The following ZNF317 variants were observed in gnomAD, a reference collection of about 807,000 sequenced individuals.
ZNF317 encodes the protein KRAB-containing zinc finger protein 317.
ZNF317 carries 17 observed loss-of-function variants against 23.4 expected under a neutral mutation model. The ratio of observed to expected loss-of-function variants is 0.73; its 90% confidence interval spans 0.50 to 1.09. The LOEUF is 1.09. ZNF317 is among the 50% of genes least tolerant of loss of function. The probability of loss-of-function intolerance (pLI) is 0.00; values close to 1 mark genes in which losing one functional copy is unlikely to be tolerated. For missense variants in ZNF317, 679 were observed against 796.7 expected, an observed-to-expected ratio of 0.85 and a Z score of 1.78; for synonymous variants, 317 against 314.9, an observed-to-expected ratio of 1.01 and a Z score of -0.07.
At chr19:9,154,460 T>C (rs993155806) in intron 1 of ZNF317, among the ~76,000 whole-genome samples, 1 of 152,186 alleles carries the variant, frequency 6.6e-6, no homozygotes, top group African/African-American at 2.4e-5. Flanking sequence ...TGCCTATTCA[T>C]GGACATTATA....
Position 9,161,638 on chromosome 19 carries a change from T to C in ZNF317, c.*205T>C. ...AGAACTCACGCCGGGGGTGAAAATG[T>C]ACGTCTGTAGCATGGAGAAGCCTTC... On this transcript the variant is annotated 3_prime_UTR_variant, in exon 7 of 7. Transcript: ENST00000247956. The surrounding 1 kb of genome is among the most constrained non-coding windows in gnomAD (Gnocchi z 4.0). The C allele has an allele frequency of 1.5e-6, 1 of 658,294 alleles. No homozygotes were observed. 40.8% of individuals were successfully genotyped at this position (658,294 alleles called of 1,614,324 possible). A position where few individuals can be genotyped will look rare whatever the true frequency, so the allele number is the denominator to read the frequency against.
Position 9,161,242 on chromosome 19 carries a change from G to C in ZNF317, c.1597G>C (p.Asp533His). 6.2e-7 allele frequency: 1 copy of C among 1,614,092 alleles called. No homozygotes were observed. Among genetic ancestry groups the C allele is most frequent in the Non-Finnish European group, 8.5e-7 (1 of 1,180,026 alleles). Reference protein sequence around the residue: ...SHTGEKPYECDHCGKAFSIGS... With the variant: ...SHTGEKPYECHHCGKAFSIGS... ...CACGGGGGAGAAACCGTACGAATGCGATCACTGTGGGAAGGCCTTCAGCAT... is the reference window on the plus strand; with the variant it reads ...CACGGGGGAGAAACCGTACGAATGCCATCACTGTGGGAAGGCCTTCAGCAT... Residue 533 changes from aspartate to histidine, a missense_variant, in exon 7 of 7, where the codon GAT becomes CAT. Asp to His is a moderately conservative substitution (Grantham distance 81). Transcript: ENST00000247956. The surrounding 1 kb of genome is among the most constrained non-coding windows in gnomAD (Gnocchi z 4.0).
chr19:9,159,981 C>A, intron 6 of ZNF317, 133 bp from the exon 7 acceptor site: 1 of 1,342,944 alleles, frequency 7.4e-7, no homozygotes, highest in East Asian at 2.3e-5. Flanking sequence ...AGCACGTTTG[C>A]ACGGCAGATG....
At chr19:9,143,635 C>G (rs1357182917) in intron 1 of ZNF317, among the ~76,000 whole-genome samples, 1 of 75,334 alleles carries the variant, frequency 1.3e-5, no homozygotes, top group Non-Finnish European at 2.5e-5. Context: ...CCCATGAGTG[C>G]TGTCTCATCA....
At chr19:9,156,843 C>A in intron 3 of ZNF317, 95 bp downstream of exon 3, 1 of 1,436,734 alleles carries the variant, frequency 7.0e-7, no homozygotes, top group South Asian at 1.3e-5. Flanking sequence ...TTCATCTCAG[C>A]CAGTGGATGC....
rs1442797559 is a variant in ZNF317 at position 9,160,614 on chromosome 19, A to G, written c.969A>G (p.Ala323=). ...KAYGRSCHLI[A]HKRTHTGERP... is the part of the protein sequence containing the mutation. ...ACGGCCGGAGCTGCCACCTCATCGC[A>G]CACAAGAGAACGCACACCGGAGAGA... Residue 323 remains alanine, a synonymous_variant, in exon 7 of 7, where the codon GCA becomes GCG. Transcript: ENST00000247956. The surrounding 1 kb of genome is among the most constrained non-coding windows in gnomAD (Gnocchi z 6.8). The G allele has an allele frequency of 6.2e-7, 1 of 1,613,748 alleles. No individual in the cohort carries two copies. Among genetic ancestry groups the G allele is most frequent in the African/African-American group, 1.3e-5 (1 of 74,800 alleles).
Position 9,158,087 on chromosome 19 carries a change from C to T in ZNF317, c.385+12C>T. ...GGGCGCTTGTGCAGGTGAGCGAGCC[C>T]CAGGCAAAGAGCGGTGCTGTGACTC... On this transcript the variant is annotated intron_variant, in intron 5 of 6. Coordinates refer to ENST00000247956, the MANE Select transcript of ZNF317 (RefSeq NM_020933.5). The T allele has an allele frequency of 6.5e-7, 1 of 1,548,572 alleles. No homozygotes were observed. The highest frequency in any genetic ancestry group is 8.7e-7 in the Non-Finnish European group (1 of 1,145,840).
In ZNF317 at chr19:9,162,260, C is replaced by A. The variant is rs1299181890; in HGVS notation, c.*827C>A. The A allele has an allele frequency of 6.6e-6, 1 of 151,946 alleles. No individual in the cohort carries two copies. The highest frequency in any genetic ancestry group is 1.5e-5 in the Non-Finnish European group (1 of 67,984). 9.4% of individuals were successfully genotyped at this position (151,946 alleles called of 1,614,324 possible). On this transcript the variant is annotated 3_prime_UTR_variant, in exon 7 of 7. Transcript: ENST00000247956. ...TAAGTCGGCTCCAGCACACAGGAGCCCCCCACAACGAAGAGTTAGTGCCCC... is the reference window on the plus strand; with the variant it reads ...TAAGTCGGCTCCAGCACACAGGAGCACCCCACAACGAAGAGTTAGTGCCCC...
chr19:9,160,913 G>T lies in ZNF317; in HGVS notation c.1268G>T (p.Cys423Phe). 1 of 1,614,220 alleles carries T rather than the reference G, an allele frequency of 6.2e-7. No individual in the cohort carries two copies. Among genetic ancestry groups the T allele is most frequent in the East Asian group, 2.2e-5 (1 of 44,878 alleles). Residue 423 changes from cysteine to phenylalanine, a missense_variant, in exon 7 of 7, where the codon TGC becomes TTC. Physicochemically the swap from Cys to Phe is radical, Grantham distance 205 (BLOSUM62 -2). Coordinates refer to ENST00000247956, the MANE Select transcript of ZNF317 (RefSeq NM_020933.5). The surrounding 1 kb of genome is among the most constrained non-coding windows in gnomAD (Gnocchi z 6.8). ...IVKKPVECRQ[C>F]GKTFRNQSIL... ...AAGAAACCCGTGGAATGTCGGCAGT[G>T]CGGGAAGACCTTCCGAAACCAGTCC...
In ZNF317 at chr19:9,156,034, C is replaced by G; in HGVS notation, c.18C>G (p.Pro6=). 5.6e-6 allele frequency: 9 copies of G among 1,614,150 alleles called. No individual in the cohort carries two copies. Among genetic ancestry groups the G allele is most frequent in the Non-Finnish European group, 7.6e-6 (9 of 1,180,018 alleles). ...CTCTGAGGATGGCAGCTCTGTCCCC[C>G]ACATTTGGTAAGTTCTTGGGTCAGT... The part of the protein sequence containing the change: MAALS[P]TFATSTQDST... Residue 6 remains proline (P), a synonymous_variant, in exon 2 of 7, where the codon CCC becomes CCG. Transcript: ENST00000247956.
chr19:9,158,492 G>T (rs139712048), intron 5 of ZNF317, among the ~76,000 whole-genome samples: 84 of 143,358 alleles, frequency 5.9e-4, no homozygotes, highest in African/African-American at 2.0e-3. Context: ...GCATGATGCC[G>T]CCATGCCTAC....
At chr19:9,157,647 A>T (rs1600229410) in intron 4 of ZNF317, 2 of 570,126 alleles carry the variant, frequency 3.5e-6, no homozygotes, top group African/African-American at 3.8e-5. Flanking sequence ...TTGGAGGGTC[A>T]GTGTGTGGGT....
At chr19:9,157,845 C>T (rs2050802434) in intron 4 of ZNF317, 135 bp from the exon 5 acceptor site, 3 of 1,400,912 alleles carry the variant, frequency 2.1e-6, no homozygotes, top group Non-Finnish European at 2.8e-6. Flanking sequence ...AATTTTGGCA[C>T]CACCATTTTG....
intron 1 of ZNF317, among the ~76,000 whole-genome samples, chr19:9,150,723 T>C (rs1319710381): frequency 1.3e-5 from 2 of 152,226 alleles, no homozygotes; most frequent in South Asian, 2.1e-4. Flanking sequence ...GGGAGATAGA[T>C]TCATAGTGAG....
chr19:9,150,436 G>A (rs2050726440), intron 1 of ZNF317, among the ~76,000 whole-genome samples: 1 of 152,152 alleles, frequency 6.6e-6, no homozygotes, highest in Non-Finnish European at 1.5e-5. Flanking sequence ...AGAACTGTGG[G>A]CTTGCATTAA....
chr19:9,156,544 G>A (rs993712093), intron 2 of ZNF317, 68 bp from the exon 3 acceptor site: 5 of 1,559,020 alleles, frequency 3.2e-6, no homozygotes, highest in Non-Finnish European at 4.3e-6. Context: ...GCAGTTTCCT[G>A]GTTTACAAGT....
rs1167810808 is a variant in ZNF317 at position 9,156,026 on chromosome 19, C to G, written c.10C>G (p.Leu4Val). 9 of 1,614,078 alleles carry G rather than the reference C, an allele frequency of 5.6e-6. No homozygotes were observed. Among genetic ancestry groups the G allele is most frequent in the Non-Finnish European group, 7.6e-6 (9 of 1,180,048 alleles). MAA[L>V]SPTFATSTQD... ...CTGCCATTCTCTGAGGATGGCAGCT[C>G]TGTCCCCCACATTTGGTAAGTTCTT... is the stretch of plus-strand genomic sequence containing the variant. The change falls in exon 2 of 7, where the codon CTG (leucine) becomes GTG (valine). Residue 4 changes from leucine (L) to valine (V), a missense_variant. Leu to Val is a conservative substitution (Grantham distance 32). Transcript: ENST00000247956.
intron 6 of ZNF317, among the ~76,000 whole-genome samples, chr19:9,159,776 A>C (rs1230127580): frequency 6.6e-6 from 1 of 150,632 alleles, no homozygotes; most frequent in Non-Finnish European, 1.5e-5. Context: ...CGAACTCCTG[A>C]CCTCAGGTGG....
intron 1 of ZNF317, among the ~76,000 whole-genome samples, chr19:9,149,300 C>G (rs1256121626): frequency 6.6e-6 from 1 of 151,970 alleles, no homozygotes; most frequent in Non-Finnish European, 1.5e-5. Context: ...ATGGTGAAAC[C>G]CTGTCTCTAC....
Sources: gnomAD v4.1 joint callset for allele counts (sites outside exome capture counted in the v4.1 genomes callset) on GRCh38, gnomAD v4.1.1 for gene constraint, Gnocchi (gnomAD v3.1) non-coding constraint, MANE v1.5 for transcripts, NCBI Gene and HGNC (gene_info 2026-07-23, HGNC 2026-07-21) for gene names.